SHANK2: variants seen among roughly 807,000 people sequenced by gnomAD.
The protein encoded by SHANK2 is SH3 and multiple ankyrin repeat domains protein 2.
A neutral mutation model predicts 133.7 loss-of-function variants in SHANK2; 43 were observed. The ratio of observed to expected loss-of-function variants is 0.32; its 90% CI spans 0.25 to 0.41. The LOEUF (loss-of-function observed/expected upper bound fraction) is 0.41, where lower values mean the gene tolerates loss of function less well. Ranked by LOEUF, SHANK2 falls within the 10% of genes least tolerant of loss-of-function variation. SHANK2 has a pLI of 1.00. For missense variants in SHANK2, 1,994 were observed against 2,235.8 expected (o/e 0.89, Z 2.18); for synonymous variants, 1,017 against 952.8 (o/e 1.07, Z -1.24).
chr11:70,612,786 T>C (rs1443989624), intron 17 of SHANK2, among the ~76,000 whole-genome samples: 13 of 152,182 alleles, frequency 8.5e-5, no homozygotes, highest in Admixed American at 5.9e-4. Flanking sequence ...TTTACAGATA[T>C]CATTTTGGCC....
chr11:71,100,390 T>C (rs977970102), intron 6 of SHANK2, among the ~76,000 whole-genome samples: 2 of 152,218 alleles, frequency 1.3e-5, no homozygotes, highest in Non-Finnish European at 2.9e-5. Flanking sequence ...GGTGAGTGGA[T>C]ACATTATCCA....
chr11:71,194,271 C>T (rs1555115868), intron 2 of SHANK2, among the ~76,000 whole-genome samples: 3 of 152,280 alleles, frequency 2.0e-5, no homozygotes, highest in South Asian at 2.1e-4. Flanking sequence ...CTCACGGGGA[C>T]AACTAAGCAG....
Position 71,182,806 on chromosome 11 carries a change from G to A in SHANK2, c.-12-35468C>T, listed in dbSNP as rs147155667. Among the ~76,000 whole-genome samples the A allele has an allele frequency of 1.3e-3, 197 of 152,244 alleles. 2 individuals are homozygous for A. Among genetic ancestry groups the A allele is most frequent in the African/African-American group, 4.5e-3 (186 of 41,526 alleles). ...TATGGTGTTTCCCTCTGGTACAAACGGCAGACAGGCTCACTGTCTAGCATA... is the reference window on the plus strand; with the variant it reads ...TATGGTGTTTCCCTCTGGTACAAACAGCAGACAGGCTCACTGTCTAGCATA... On this transcript the variant is annotated intron_variant, in intron 2 of 25. Transcript: ENST00000601538.
At chr11:70,641,777 A>T (rs538236954) in intron 17 of SHANK2, among the ~76,000 whole-genome samples, 4 of 152,288 alleles carry the variant, frequency 2.6e-5, no homozygotes, top group African/African-American at 4.8e-5. Context: ...GTGGCTTGTT[A>T]CGGTGTCCAG....
chr11:71,212,971 G>A (rs1264254698), intron 2 of SHANK2, among the ~76,000 whole-genome samples: 5 of 151,428 alleles, frequency 3.3e-5, no homozygotes, highest in Non-Finnish European at 7.4e-5. Flanking sequence ...GGCACAGGGA[G>A]AGGAGCAGGG....
At chr11:70,524,159 G>A (rs1198243638) in intron 17 of SHANK2, among the ~76,000 whole-genome samples, 3 of 152,196 alleles carry the variant, frequency 2.0e-5, no homozygotes, top group Admixed American at 2.0e-4. Flanking sequence ...ACAGATGAGG[G>A]ACAGAAGCTA....
At chr11:70,912,718 C>G (rs1005190731) in intron 10 of SHANK2, among the ~76,000 whole-genome samples, 2 of 152,184 alleles carry the variant, frequency 1.3e-5, no homozygotes, top group South Asian at 4.1e-4. Context: ...CTCAGAAGAT[C>G]GGCACTCACC....
intron 24 of SHANK2, chr11:70,489,020 A>G: frequency 2.6e-6 from 1 of 386,612 alleles, no homozygotes; most frequent in East Asian, 5.8e-5. Context: ...TGTTGGGAGC[A>G]TGCAGGTTTT....
intron 14 of SHANK2, among the ~76,000 whole-genome samples, chr11:70,741,117 T>C (rs138950934): frequency 1.3e-5 from 2 of 152,222 alleles, no homozygotes; most frequent in East Asian, 3.9e-4. Context: ...CTACCTGATA[T>C]ACCTTCTCCC....
At chr11:70,938,726 G>A (rs549462031) in intron 10 of SHANK2, among the ~76,000 whole-genome samples, 6 of 152,254 alleles carry the variant, frequency 3.9e-5, no homozygotes, top group Admixed American at 2.0e-4. Flanking sequence ...CTGAGGAGGA[G>A]GAGGAGAGTT....
At chr11:70,788,446 C>G (rs1035784314) in intron 14 of SHANK2, among the ~76,000 whole-genome samples, 1 of 152,180 alleles carries the variant, frequency 6.6e-6, no homozygotes, top group Admixed American at 6.5e-5. Context: ...ATGTCGAGTG[C>G]CGTTCCGCCC....
intron 17 of SHANK2, among the ~76,000 whole-genome samples, chr11:70,584,957 G>A (rs79050900): frequency 0.054 from 8,199 of 152,322 alleles, 741 homozygotes; most frequent in African/African-American, 0.19. Context: ...GTGCATGCTG[G>A]TGCCTGAGAT....
At chr11:71,206,926 T>G (rs2135665548) in intron 2 of SHANK2, among the ~76,000 whole-genome samples, 1 of 151,114 alleles carries the variant, frequency 6.6e-6, no homozygotes, top group Admixed American at 6.6e-5. Flanking sequence ...AAAGTCAAAG[T>G]AAAAAAAAGA....
intron 9 of SHANK2, among the ~76,000 whole-genome samples, chr11:71,073,087 G>C (rs1951163047): frequency 6.6e-6 from 1 of 151,524 alleles, no homozygotes; most frequent in South Asian, 2.1e-4. Flanking sequence ...AGCACATTGG[G>C]GCGTATCTGT....
At chr11:71,112,385 T>C (rs1166108734) in intron 5 of SHANK2, among the ~76,000 whole-genome samples, 2 of 151,998 alleles carry the variant, frequency 1.3e-5, no homozygotes, top group Non-Finnish European at 2.9e-5. Flanking sequence ...ACAGCAAAAC[T>C]CTGTCTCAAA....
chr11:70,652,392 G>T (rs2061348365), intron 17 of SHANK2, among the ~76,000 whole-genome samples: 2 of 152,152 alleles, frequency 1.3e-5, no homozygotes, highest in South Asian at 4.1e-4. Flanking sequence ...AAATAATAGT[G>T]GTAACAAACA....
intron 2 of SHANK2, among the ~76,000 whole-genome samples, chr11:71,150,326 G>A (rs1590962555): frequency 2.1e-5 from 2 of 94,670 alleles, no homozygotes; most frequent in South Asian, 1.1e-3. Flanking sequence ...GGGAGGGACA[G>A]GGAGGGAGAG....
intron 8 of SHANK2, among the ~76,000 whole-genome samples, chr11:71,080,352 C>T (rs1033176255): frequency 6.6e-6 from 1 of 152,286 alleles, no homozygotes; most frequent in Middle Eastern, 3.4e-3. Context: ...TGTGCAACCA[C>T]AAGACTTGGT....
In SHANK2 at chr11:71,073,161, T is replaced by C. The variant is rs1316773777; in HGVS notation, c.1029+1998A>G. 5.3e-3 allele frequency among the ~76,000 whole-genome samples: 224 copies of C among 42,204 alleles called. 14 individuals are homozygous for C. Among genetic ancestry groups the C allele is most frequent in the African/African-American group, 8.7e-3 (179 of 20,516 alleles). The allele number at this position is 42,204 out of a possible 152,430, so 27.7% of individuals were successfully genotyped here. On this transcript the variant is annotated intron_variant, in intron 9 of 25. Coordinates refer to ENST00000601538, the MANE Select transcript of SHANK2 (RefSeq NM_012309.5). ...CTTTTTCTTTTCTTTTTTTTCTTTT[T>C]TTTCTTTTTTTTTTTGAGATAGAGT...
Sources: allele counts gnomAD v4.1 joint callset (sites outside exome capture counted in the v4.1 genomes callset), GRCh38; gene constraint gnomAD v4.1.1; transcripts MANE v1.5; gene names NCBI Gene and HGNC (gene_info 2026-07-23, HGNC 2026-07-21).